ERCC6: variants seen among roughly 807,000 people sequenced by gnomAD.
The protein encoded by ERCC6 is ERCC excision repair 6, chromatin remodeling factor.
Under a neutral mutation model 158.7 loss-of-function variants are expected in ERCC6, and 116 were observed. The ratio of observed to expected loss-of-function variants is 0.73; its 90% confidence interval spans 0.63 to 0.85. The LOEUF (loss-of-function observed/expected upper bound fraction) is 0.85. ERCC6 is among the 40% of genes least tolerant of loss of function. The pLI, the probability that ERCC6 is intolerant of heterozygous loss-of-function variation, is 0.00. For missense variants in ERCC6, 1,698 were observed against 1,799.4 expected (o/e 0.94, Z 1.02); for synonymous variants, 678 against 659.3 (o/e 1.03, Z -0.43).
chr10:49,439,581 C>T, the ERCC6 span, among the ~76,000 whole-genome samples: 1 of 152,236 alleles, frequency 6.6e-6, no homozygotes, highest in Non-Finnish European at 1.5e-5. Context: ...CTCTTGGGGA[C>T]TGACATTTGG....
At chr10:49,501,986 A>C (rs1295549884) in intron 6 of ERCC6, 1 of 152,100 alleles carries the variant, frequency 6.6e-6, no homozygotes, top group African/African-American at 2.4e-5. Context: ...AGATGATGCA[A>C]GATAAGGCAT....
At chr10:49,505,844 C>T (rs1851433124) in intron 6 of ERCC6, 40 bp downstream of exon 6, 3 of 1,610,926 alleles carry the variant, frequency 1.9e-6, no homozygotes. Flanking sequence ...TACATAATGG[C>T]TTGATAGCAA....
At chr10:49,532,414 G>T in intron 2 of ERCC6, 129 bp downstream of exon 2, 1 of 1,434,150 alleles carries the variant, frequency 7.0e-7, no homozygotes, top group Non-Finnish European at 9.5e-7. Context: ...TGCCCTTATT[G>T]ACTCTGTCCT....
intron 18 of ERCC6, among the ~76,000 whole-genome samples, chr10:49,467,246 C>T (rs1255870980): frequency 2.0e-5 from 3 of 152,192 alleles, no homozygotes; most frequent in African/African-American, 7.2e-5. Flanking sequence ...GGCAAATACA[C>T]ACCCAGGACT....
intron 5 of ERCC6, among the ~76,000 whole-genome samples, chr10:49,521,437 A>C (rs1564440610): frequency 6.6e-6 from 1 of 152,256 alleles, no homozygotes; most frequent in East Asian, 1.9e-4. Context: ...CGGAGCTCCC[A>C]GGCCCACAAT....
the ERCC6 span, among the ~76,000 whole-genome samples, chr10:49,442,057 C>T: frequency 4.6e-5 from 7 of 152,148 alleles, no homozygotes; most frequent in Non-Finnish European, 5.9e-5. Flanking sequence ...ACAAGACCCG[C>T]GCCCCCGGGG....
chr10:49,494,222 C>T lies in ERCC6; in HGVS notation c.1686-970G>A, dbSNP rs186526364. On this transcript the variant is annotated intron_variant, in intron 7 of 20. Coordinates refer to ENST00000355832, the MANE Select transcript of ERCC6 (RefSeq NM_000124.4). ...GGGCACACCATTTAACCTCTGGGAA[C>T]GTCAGTTTTTCATTTTCAAATGGGA... is the stretch of plus-strand genomic sequence containing the variant. Among the ~76,000 whole-genome samples, 33 of 152,132 alleles carry T rather than the reference C, an allele frequency of 2.2e-4. No homozygotes were observed. The East Asian group carries it at 2.3e-3, about 11-fold the overall frequency.
chr10:49,534,133 C>CAAAAA (rs746772551), intron 1 of ERCC6, among the ~76,000 whole-genome samples: 14 of 60,292 alleles, frequency 2.3e-4, no homozygotes, highest in African/African-American at 2.8e-4. Context: ...GACTCAATCT[C>CAAAAA]AAAAAAAAAA....
At chr10:49,460,566 T>G (rs2132525530) in intron 19 of ERCC6, 115 bp from the exon 20 acceptor site, 1 of 764,666 alleles carries the variant, frequency 1.3e-6, no homozygotes, top group East Asian at 2.6e-5. Context: ...GCATGCTTAT[T>G]CTTTCACAGC....
chr10:49,525,713 G>C (rs968310392), intron 4 of ERCC6, among the ~76,000 whole-genome samples: 4 of 152,066 alleles, frequency 2.6e-5, no homozygotes, highest in Non-Finnish European at 4.4e-5. Flanking sequence ...ATTAAGTGTA[G>C]AACTCAGTGA....
intron 12 of ERCC6, chr10:49,475,483 G>T (rs546180358): frequency 1.9e-4 from 83 of 427,510 alleles, no homozygotes; most frequent in African/African-American, 1.5e-3. Flanking sequence ...AGATGTGAAT[G>T]ACTGAAGAAC....
In ERCC6 at chr10:49,454,892, T is replaced by C. The variant is rs927028778; in HGVS notation, c.*3923A>G. Among the ~76,000 whole-genome samples the C allele has an allele frequency of 1.3e-5, 2 of 152,214 alleles. No homozygotes were observed. The highest frequency in any genetic ancestry group is 2.1e-4 in the South Asian group (1 of 4,832). On this transcript the variant is annotated 3_prime_UTR_variant, in exon 21 of 21. Transcript: ENST00000355832. ...CCAAGAAACATTTCCGTACATTATA[T>C]GTAAATTGGTAAAGGTGGCCTTATA...
At position 49,530,720 on chromosome 10, in the gene ERCC6, C is replaced by T. The variant is rs1411332251; in HGVS notation, c.543G>A (p.Lys181=). Residue 181 remains lysine, a splice_region_variant and synonymous_variant, in exon 3 of 21, where the codon AAG becomes AAA. Transcript: ENST00000355832. ...LDSVKRQKYN[K]EQQLKKITAK... Reference sequence around the variant, plus strand: ...AATACTGAATGTTATTCTGAATCACCTTATTATACTTCTGTCGTTTTACAG... The same window carrying T: ...AATACTGAATGTTATTCTGAATCACTTTATTATACTTCTGTCGTTTTACAG... 1 of 1,613,052 alleles carries T rather than the reference C, an allele frequency of 6.2e-7. No individual in the cohort carries two copies. Among genetic ancestry groups the T allele is most frequent in the African/African-American group, 1.3e-5 (1 of 74,986 alleles).
Position 49,532,913 on chromosome 10 carries a change from A to C in ERCC6, c.52T>G (p.Leu18Val). The change falls in exon 2 of 21, where the codon TTA becomes GTA. Residue 18 changes from leucine (L) to valine (V), a missense_variant. Leu to Val is a conservative substitution (Grantham distance 32, BLOSUM62 1). Transcript: ENST00000355832. Reference sequence around the variant, plus strand: ...TTATTACTGACAGGTTGACTCTGTAAACAGTCTTGCTCCTGAGTTTGACTT... The same window carrying C: ...TTATTACTGACAGGTTGACTCTGTACACAGTCTTGCTCCTGAGTTTGACTT... ...HSSQTQEQDC[L>V]QSQPVSNNEE... The C allele has an allele frequency of 6.2e-7, 1 of 1,614,240 alleles. No homozygotes were observed. The highest frequency in any genetic ancestry group is 1.1e-5 in the South Asian group (1 of 91,078).
In ERCC6 at chr10:49,484,635, C is replaced by T. The variant is rs958678608; in HGVS notation, c.1822-1119G>A. ...CACAGCTGCAGTGCCAGCTACTTAG[C>T]AGGCTCAGGCAAGAAGATCCCTTGA... On this transcript the variant is annotated intron_variant, in intron 8 of 20. Coordinates refer to ENST00000355832, the MANE Select transcript of ERCC6 (RefSeq NM_000124.4). 9.2e-5 allele frequency among the ~76,000 whole-genome samples: 14 copies of T among 152,142 alleles called. No homozygotes were observed. In the South Asian group the frequency reaches 2.7e-3, roughly 29 times the overall value.
Position 49,463,029 on chromosome 10 carries a change from CAT to C in ERCC6, c.3779-1475_3779-1474del, listed in dbSNP as rs148308646. On this transcript the variant is annotated intron_variant, in intron 18 of 20. Coordinates refer to ENST00000355832, the MANE Select transcript of ERCC6 (RefSeq NM_000124.4). Reference sequence around the variant, plus strand: ...AGAAGCTATAAAAAATCTAAATCCTCATATGTGGATAAACTGTGGTACAGGTT... The same window carrying C: ...AGAAGCTATAAAAAATCTAAATCCTCATGTGGATAAACTGTGGTACAGGTT... Among the ~76,000 whole-genome samples, 650 of 152,290 alleles carry C rather than the reference CAT, an allele frequency of 4.3e-3. 4 individuals carry two copies. Among genetic ancestry groups the C allele is most frequent in the African/African-American group, 0.015 (632 of 41,566 alleles).
rs768680674 is a variant in ERCC6, at chr10:49,470,233, T to C, written c.3727A>G (p.Lys1243Glu). Residue 1243 changes from lysine (K) to glutamate (E), a missense_variant, in exon 18 of 21, where the codon AAG (lysine) becomes GAG (glutamate). Lys to Glu is a moderately conservative substitution (Grantham distance 56). Transcript: ENST00000355832. ...ACATAATCGTCATTGCTCTGTTCCT[T>C]GGCCTCACTCTTGTTTTCACTGTCT... ...KQDSENKSEAKEQSNDDYVLE... is the reference protein window; with the variant it reads ...KQDSENKSEAEEQSNDDYVLE... The C allele has an allele frequency of 1.9e-6, 3 of 1,614,084 alleles. No individual in the cohort carries two copies. Among genetic ancestry groups the C allele is most frequent in the Non-Finnish European group, 8.5e-7 (1 of 1,180,042 alleles).
At chr10:49,440,766 G>C in the ERCC6 span, among the ~76,000 whole-genome samples, 2 of 152,318 alleles carry the variant, frequency 1.3e-5, no homozygotes, top group African/African-American at 4.8e-5. Context: ...GGAAATCTCT[G>C]AGAGGAAACT....
At chr10:49,533,099 AAATTC>A (rs1837512288) in intron 1 of ERCC6, 121 bp from the exon 2 acceptor site, 1 of 1,221,862 alleles carries the variant, frequency 8.2e-7, no homozygotes, top group Non-Finnish European at 1.1e-6. Flanking sequence ...CCAACTACAT[AAATTC>A]AAGTTTCCAA....
Sources: allele counts gnomAD v4.1 joint callset (sites outside exome capture counted in the v4.1 genomes callset), GRCh38; gene constraint gnomAD v4.1.1; transcripts MANE v1.5; gene names NCBI Gene and HGNC (gene_info 2026-07-23, HGNC 2026-07-21).